The following SCG3 variants were observed in gnomAD, a reference collection of about 807,000 sequenced individuals.
SCG3 encodes secretogranin-3.
SCG3 carries 38 observed loss-of-function variants against 56.2 expected under a neutral mutation model. That is an observed-to-expected ratio of 0.68 (90% CI 0.52 to 0.89). The LOEUF is 0.89. SCG3 is among the 40% of genes least tolerant of loss of function. The probability of loss-of-function intolerance (pLI) is 0.00; values close to 1 mark genes in which losing one functional copy is unlikely to be tolerated. For missense variants in SCG3, 524 were observed against 540.7 expected, an observed-to-expected ratio of 0.97 and a Z score of 0.31; for synonymous variants, 176 against 184.2, an observed-to-expected ratio of 0.96 and a Z score of 0.36.
At chr15:51,686,769 A>C (rs2055232150) in intron 4 of SCG3, among the ~76,000 whole-genome samples, 1 of 147,916 alleles carries the variant, frequency 6.8e-6, no homozygotes, top group Non-Finnish European at 1.5e-5. Flanking sequence ...ACTCAGCTCA[A>C]AGGGCTCATG....
intron 10 of SCG3, among the ~76,000 whole-genome samples, chr15:51,710,407 G>A (rs571160113): frequency 6.6e-6 from 1 of 152,296 alleles, no homozygotes; most frequent in African/African-American, 2.4e-5. Context: ...GTCTCTCAAT[G>A]AATTGCAGTC....
intron 7 of SCG3, among the ~76,000 whole-genome samples, chr15:51,695,030 CAAAAAAA>C: frequency 1.2e-5 from 1 of 80,552 alleles, no homozygotes; most frequent in Non-Finnish European, 2.6e-5. Flanking sequence ...GACTCTATCT[CAAAAAAA>C]AAAAAAAAGA....
intron 4 of SCG3, 97 bp from the exon 5 acceptor site, chr15:51,688,163 T>G: frequency 8.5e-7 from 1 of 1,171,970 alleles, no homozygotes; most frequent in Non-Finnish European, 1.2e-6. Flanking sequence ...CAAACATATC[T>G]GAATATACAA....
At chr15:51,689,536 C>G (rs2055253458) in intron 6 of SCG3, among the ~76,000 whole-genome samples, 168 bp downstream of exon 6, 1 of 152,008 alleles carries the variant, frequency 6.6e-6, no homozygotes, top group South Asian at 2.1e-4. Flanking sequence ...TGGCTCAAAC[C>G]TGTAATCCCA....
At position 51,720,565 on chromosome 15, in the gene SCG3, A is replaced by ATT. The variant is rs1449299521; in HGVS notation, c.*1043_*1044dup. 7.9e-5 allele frequency: 12 copies of ATT among 152,172 alleles called. No homozygotes were observed. Among genetic ancestry groups the ATT allele is most frequent in the African/African-American group, 2.4e-5 (1 of 41,426 alleles). The allele number at this position is 152,172 out of a possible 1,614,324, so 9.4% of individuals were successfully genotyped here. ...TTCAGTGTAAATTAATTACATACATATTTTTCTATATATTTGTTTCAAACT... is the reference window on the plus strand; with the variant it reads ...TTCAGTGTAAATTAATTACATACATATTTTTTTCTATATATTTGTTTCAAACT... On this transcript the variant is annotated 3_prime_UTR_variant, in exon 12 of 12. Coordinates refer to ENST00000220478, the MANE Select transcript of SCG3 (RefSeq NM_013243.4).
chr15:51,683,502 T>C (rs1278660046), intron 4 of SCG3, 68 bp downstream of exon 4: 2 of 987,918 alleles, frequency 2.0e-6, no homozygotes, highest in African/African-American at 3.3e-5. Flanking sequence ...GAAAGTCCAA[T>C]ATTTTAAAAA....
intron 10 of SCG3, among the ~76,000 whole-genome samples, chr15:51,706,081 T>C (rs1264097621): frequency 6.6e-6 from 1 of 152,242 alleles, no homozygotes; most frequent in Non-Finnish European, 1.5e-5. Flanking sequence ...TATCTTTGTG[T>C]TCGCAGTTGT....
chr15:51,703,854 T>C (rs1327191246), intron 10 of SCG3, among the ~76,000 whole-genome samples: 2 of 152,184 alleles, frequency 1.3e-5, no homozygotes, highest in Admixed American at 6.5e-5. Flanking sequence ...GTGCCCTCCT[T>C]TTCTCTAGCA....
chr15:51,719,454 T>C lies in SCG3; in HGVS notation c.1335T>C (p.Asp445=). The part of the protein sequence containing the change: ...KMRDFINKQA[D]AYVEKGILDK... ...GAGACTTCATCAATAAACAAGCTGA[T>C]GCTTATGTGGAGAAAGGCATCCTTG... The change falls in exon 12 of 12, where the codon GAT becomes GAC. Residue 445 remains aspartate, a synonymous_variant. Transcript: ENST00000220478. The C allele has an allele frequency of 6.2e-7, 1 of 1,614,156 alleles. No individual in the cohort carries two copies. Among genetic ancestry groups the C allele is most frequent in the African/African-American group, 1.3e-5 (1 of 75,046 alleles).
Position 51,681,727 on chromosome 15 carries a change from G to T in SCG3, c.-29G>T. 1 of 1,453,542 alleles carries T rather than the reference G, an allele frequency of 6.9e-7. No individual in the cohort carries two copies. Among genetic ancestry groups the T allele is most frequent in the Non-Finnish European group, 9.3e-7 (1 of 1,071,730 alleles). 90.0% of individuals were successfully genotyped at this position (1,453,542 alleles called of 1,614,324 possible). A position where few individuals can be genotyped will look rare whatever the true frequency, so the allele number is the denominator to read the frequency against. On this transcript the variant is annotated 5_prime_UTR_variant, in exon 1 of 12. Transcript: ENST00000220478. The stretch of plus-strand genomic sequence containing the variant: ...GCTACAGCTCCAGGAGCCCAGCGCC[G>T]GGCTGTGACCCAAGCCGAGCGTGGA...
At chr15:51,718,602 G>A (rs526556) in intron 11 of SCG3, among the ~76,000 whole-genome samples, 14,918 of 150,538 alleles carry the variant, frequency 0.099, 1,219 homozygotes, top group East Asian at 0.45. Context: ...ATTTACAGCT[G>A]TTATTGCCTA....
chr15:51,694,760 G>T (rs1370318324), intron 7 of SCG3, among the ~76,000 whole-genome samples: 1 of 152,204 alleles, frequency 6.6e-6, no homozygotes, highest in Non-Finnish European at 1.5e-5. Context: ...GCCGAGCGCG[G>T]TGGCTCACGC....
chr15:51,689,245 G>A lies in SCG3; in HGVS notation c.567G>A (p.Leu189=). The A allele has an allele frequency of 6.2e-7, 1 of 1,613,894 alleles. No homozygotes were observed. Among genetic ancestry groups the A allele is most frequent in the South Asian group, 1.1e-5 (1 of 91,072 alleles). Residue 189 remains leucine, a synonymous_variant, in exon 6 of 12, where the codon CTG becomes CTA. Transcript: ENST00000220478. The part of the protein sequence containing the change: ...GLITESQAHT[L]EDEVAEVLQK... ...TCACAGAAAGCCAAGCACATACACT[G>A]GAAGATGAAGTAGCAGAGGTTTTAC...
Position 51,711,931 on chromosome 15 carries a change from C to T in SCG3, c.1208-1402C>T, listed in dbSNP as rs533756611. Among the ~76,000 whole-genome samples the T allele has an allele frequency of 2.6e-5, 4 of 152,258 alleles. No homozygotes were observed. The South Asian group carries it at 8.3e-4, about 32-fold the overall frequency. On this transcript the variant is annotated intron_variant, in intron 10 of 11. Coordinates refer to ENST00000220478, the MANE Select transcript of SCG3 (RefSeq NM_013243.4). ...GGCTTCAAGATCAGGAAGAAAGATG[C>T]TCAGAGAGTCACTTAGGTAAATACA...
In SCG3 at chr15:51,699,736, T is replaced by TA. The variant is rs1174711765; in HGVS notation, c.1069+336dup. Among the ~76,000 whole-genome samples, 3 of 152,274 alleles carry TA rather than the reference T, an allele frequency of 2.0e-5. No individual in the cohort carries two copies. In the East Asian group the frequency reaches 5.8e-4, roughly 29 times the overall value. ...CCTTTAGGTATCTTCTCTCCCTAGATAATCACTTCTCCAGACTACTGTCCC... is the reference window on the plus strand; with the variant it reads ...CCTTTAGGTATCTTCTCTCCCTAGATAAATCACTTCTCCAGACTACTGTCCC... On this transcript the variant is annotated intron_variant, in intron 9 of 11. Transcript: ENST00000220478.
chr15:51,715,728 G>A (rs2055450283), intron 11 of SCG3, among the ~76,000 whole-genome samples: 1 of 152,076 alleles, frequency 6.6e-6, no homozygotes, highest in African/African-American at 2.4e-5. Context: ...CACCATGCTG[G>A]TTTTCCCACT....
intron 11 of SCG3, among the ~76,000 whole-genome samples, chr15:51,718,244 T>C (rs535371124): frequency 1.4e-5 from 2 of 147,032 alleles, no homozygotes; most frequent in East Asian, 3.9e-4. Flanking sequence ...ACAGATGTCA[T>C]AGGGTATAAC....
intron 6 of SCG3, among the ~76,000 whole-genome samples, chr15:51,689,783 T>C (rs2141562101): frequency 1.3e-5 from 2 of 151,978 alleles, no homozygotes; most frequent in Non-Finnish European, 2.9e-5. Context: ...TGAGACCCTG[T>C]CTCAAAAAAT....
chr15:51,690,672 A>G (rs1167458298), intron 6 of SCG3, among the ~76,000 whole-genome samples: 1 of 151,776 alleles, frequency 6.6e-6, no homozygotes, highest in Non-Finnish European at 1.5e-5. Context: ...AACCCTTATG[A>G]CTTTTGCTCA....
Sources: allele counts gnomAD v4.1 joint callset (sites outside exome capture counted in the v4.1 genomes callset), GRCh38; gene constraint gnomAD v4.1.1; transcripts MANE v1.5; gene names NCBI Gene and HGNC (gene_info 2026-07-23, HGNC 2026-07-21).